The following MUC5B variants were observed in gnomAD, a reference collection of about 807,000 sequenced individuals.
The protein encoded by MUC5B is mucin 5B, oligomeric mucus/gel-forming.
MUC5B carries 116 observed loss-of-function variants against 376.9 expected under a neutral mutation model. The ratio of observed to expected loss-of-function variants is 0.31; its 90% CI spans 0.26 to 0.36. The LOEUF (loss-of-function observed/expected upper bound fraction) is 0.36. MUC5B is among the 10% of genes least tolerant of loss of function. MUC5B has a pLI of 1.00. For missense variants in MUC5B, 7,165 were observed against 7,769.9 expected, an observed-to-expected ratio of 0.92 and a Z score of 2.93; for synonymous variants, 3,517 against 3,390.9, an observed-to-expected ratio of 1.04 and a Z score of -1.29.
At chr11:1,224,645 G>A (rs1449769939) in intron 1 of MUC5B, among the ~76,000 whole-genome samples, 3 of 151,952 alleles carry the variant, frequency 2.0e-5, no homozygotes, top group Admixed American at 6.6e-5. Flanking sequence ...TGGTTGGGCT[G>A]GCACACAGGG....
rs1862893316 is a variant in MUC5B, at chr11:1,258,131, C to T, written c.16483C>T (p.Pro5495Ser). ...CACAACCACCTGCCCCCAGAGCCTG[C>T]CTGTGTGCCCGCCAGGGCAGGAGTC... ...CNTTTCPQSLPVCPPGQESIC... is the reference protein window; with the variant it reads ...CNTTTCPQSLSVCPPGQESIC... Residue 5495 changes from proline to serine, a missense_variant, in exon 42 of 49, where the codon CCT becomes TCT. Pro to Ser is a moderately conservative substitution (Grantham distance 74). Transcript: ENST00000529681. This position sits in a 1 kb window ranked among gnomAD's most constrained non-coding sequence, Gnocchi z 5.5. 20 of 1,597,334 alleles carry T rather than the reference C, an allele frequency of 1.3e-5. No individual in the cohort carries two copies. The highest frequency in any genetic ancestry group is 1.7e-5 in the Non-Finnish European group (20 of 1,174,130).
At chr11:1,231,626 T>TA in intron 14 of MUC5B, 66 bp downstream of exon 14, 1 of 1,489,396 alleles carries the variant, frequency 6.7e-7, no homozygotes, top group Non-Finnish European at 9.0e-7. Context: ...AGCGCCAGGC[T>TA]GCAGGGAGGG....
intron 31 of MUC5B, 127 bp downstream of exon 31, chr11:1,251,870 G>T: frequency 1.4e-6 from 1 of 711,014 alleles, no homozygotes; most frequent in Non-Finnish European, 2.3e-6. Context: ...GCCTCACTTG[G>T]CCCCTCCCGG....
In MUC5B at chr11:1,250,692, C is replaced by A; in HGVS notation, c.13812C>A (p.Thr4604=). ...CCACAACCACGGGCTTCACAGCCAC[C>A]CCCTCCTCCAGCCCAGGGACGGCAC... ...PTTTTTGFTA[T]PSSSPGTALT... The change falls in exon 31 of 49, where the codon ACC becomes ACA. Residue 4604 remains threonine (T), a synonymous_variant. Coordinates refer to ENST00000529681, the MANE Select transcript of MUC5B (RefSeq NM_002458.3). 1.1e-5 allele frequency: 18 copies of A among 1,612,976 alleles called. No individual in the cohort carries two copies. Among genetic ancestry groups the A allele is most frequent in the Non-Finnish European group, 1.5e-5 (18 of 1,179,524 alleles).
intron 45 of MUC5B, 30 bp from the exon 46 acceptor site, chr11:1,259,933 T>C (rs776634569): frequency 1.2e-6 from 2 of 1,612,784 alleles, no homozygotes; most frequent in South Asian, 2.2e-5. Context: ...TAATCCCTAC[T>C]CAGCTTCCAC....
Position 1,237,060 on chromosome 11 carries a change from C to T in MUC5B, c.3193C>T (p.Leu1065=). The T allele has an allele frequency of 6.3e-7, 1 of 1,583,150 alleles. No homozygotes were observed. Among genetic ancestry groups the T allele is most frequent in the South Asian group, 1.2e-5 (1 of 86,760 alleles). The change falls in exon 25 of 49, where the codon CTG becomes TTG. Residue 1065 remains leucine, a synonymous_variant. Coordinates refer to ENST00000529681, the MANE Select transcript of MUC5B (RefSeq NM_002458.3). ...WKLSPSCPDA[L]APKDPCTANP... ...GCTCTCCCCCTCCTGCCCGGACGCC[C>T]TGGCACCCAAGGACCCCTGCACGGC...
At chr11:1,256,291 G>T (rs1314483191) in intron 38 of MUC5B, 66 bp downstream of exon 38, 2 of 708,062 alleles carry the variant, frequency 2.8e-6, no homozygotes, top group Non-Finnish European at 2.6e-6. Flanking sequence ...TGGGGGAGCA[G>T]GAGGAGGCCA....
chr11:1,236,253 C>G, intron 23 of MUC5B, 133 bp from the exon 24 acceptor site: 2 of 809,530 alleles, frequency 2.5e-6, no homozygotes, highest in Non-Finnish European at 3.7e-6. Context: ...GGACCCAGCT[C>G]ACCCCTAACG....
Position 1,243,050 on chromosome 11 carries a change from C to T in MUC5B, c.6170C>T (p.Thr2057Met), listed in dbSNP as rs201461460. The T allele has an allele frequency of 6.4e-5, 103 of 1,611,260 alleles. 5 individuals carry two copies. The highest frequency in any genetic ancestry group is 1.7e-4 in the Middle Eastern group (1 of 6,000). The part of the protein sequence containing the change: ...HTTKVPTTTT[T>M]GFTATPSSSP... ...ACCAAAGTGCCAACTACCACAACCA[C>T]GGGCTTCACAGCCACCCCCTCCTCC... is the stretch of plus-strand genomic sequence containing the variant. Residue 2057 changes from threonine (T) to methionine (M), a missense_variant, in exon 31 of 49, where the codon ACG (threonine) becomes ATG (methionine). Thr to Met is a moderately conservative substitution (Grantham distance 81). Transcript: ENST00000529681.
intron 25 of MUC5B, among the ~76,000 whole-genome samples, chr11:1,238,365 C>G (rs144166346): frequency 6.6e-6 from 1 of 152,018 alleles, no homozygotes; most frequent in Admixed American, 6.6e-5. Context: ...GCTGGGTGGT[C>G]GGATGCTAGG....
chr11:1,239,311 C>T, intron 26 of MUC5B, 127 bp from the exon 27 acceptor site: 1 of 1,293,610 alleles, frequency 7.7e-7, no homozygotes. Flanking sequence ...CGAGGCCCTG[C>T]ATGTCTGGGA....
chr11:1,247,946 C>A lies in MUC5B; in HGVS notation c.11066C>A (p.Thr3689Lys). 1 of 1,611,400 alleles carries A rather than the reference C, an allele frequency of 6.2e-7. No individual in the cohort carries two copies. The highest frequency in any genetic ancestry group is 8.5e-7 in the Non-Finnish European group (1 of 1,178,354). The change falls in exon 31 of 49, where the codon ACG (threonine) becomes AAG (lysine). Residue 3689 changes from threonine (T) to lysine (K), a missense_variant. Coordinates refer to ENST00000529681, the MANE Select transcript of MUC5B (RefSeq NM_002458.3). ...STATPSSTPG[T>K]TWILTKLTTT... ...GCCACGCCCTCCTCAACTCCGGGGA[C>A]GACCTGGATCCTCACAAAGCTGACC...
intron 25 of MUC5B, 31 bp from the exon 26 acceptor site, chr11:1,238,840 C>T (rs369973184): frequency 4.4e-5 from 67 of 1,538,982 alleles, no homozygotes; most frequent in Middle Eastern, 1.7e-4. Context: ...GCCATTGTCC[C>T]GGCTGAGCTG....
rs3829224 is a variant in MUC5B, at chr11:1,255,097, G to A, written c.15721G>A (p.Ala5241Thr). The part of the protein sequence containing the change: ...DCLQRDGTTA[A>T]SCKDMAKTWL... ...TCTCCAGCGGGACGGAACCACTGCC[G>A]CCAGTTGCAAGGACATGGCCAAGAC... The change falls in exon 36 of 49, where the codon GCC becomes ACC. Residue 5241 changes from alanine (A) to threonine (T), a missense_variant. Physicochemically the swap from Ala to Thr is moderately conservative, Grantham distance 58. Coordinates refer to ENST00000529681, the MANE Select transcript of MUC5B (RefSeq NM_002458.3). 0.023 allele frequency: 36,000 copies of A among 1,592,076 alleles called. 2,941 individuals carry two copies. In the East Asian group the frequency reaches 0.24, roughly 11 times the overall value.
In MUC5B at chr11:1,249,991, AC is replaced by A; in HGVS notation, c.13113del (p.Thr4372ArgfsTer24). On this transcript the variant is annotated frameshift_variant, in exon 31 of 49. Transcript: ENST00000529681. LOFTEE classifies it high-confidence loss of function. ...HTSTVLTTKA[T>X]TTRATSSTST... ...CTCCACAGTGCTGACCACGAAGGCCACCACGACAAGGGCCACCAGTTCCACG... is the reference window on the plus strand; with the variant it reads ...CTCCACAGTGCTGACCACGAAGGCCACACGACAAGGGCCACCAGTTCCACG... 2.9e-6 allele frequency: 4 copies of A among 1,379,226 alleles called. No individual in the cohort carries two copies. The highest frequency in any genetic ancestry group is 4.3e-5 in the Admixed American group (2 of 46,530). The allele number at this position is 1,379,226 out of a possible 1,614,324, so 85.4% of individuals were successfully genotyped here.
intron 11 of MUC5B, 112 bp from the exon 12 acceptor site, chr11:1,230,378 G>A (rs986260539): frequency 8.5e-7 from 1 of 1,178,254 alleles, no homozygotes; most frequent in African/African-American, 1.5e-5. Flanking sequence ...AGGTGCCAAG[G>A]ACCACCTCCC....
At chr11:1,232,238 G>A (rs1862044363) in intron 15 of MUC5B, 78 bp downstream of exon 15, 1 of 1,474,924 alleles carries the variant, frequency 6.8e-7, no homozygotes, top group South Asian at 1.4e-5. Flanking sequence ...GGGCCACGGG[G>A]ACCCCTGGGT....
chr11:1,251,289 CA>C lies in MUC5B; in HGVS notation c.14411del (p.Asn4804IlefsTer19). Reference protein sequence around the residue: ...TTTATMTRATNSTATPSSTLG... With the variant: ...TTTATMTRATXSTATPSSTLG... ...CCACAGCCACCATGACAAGGGCCAC[CA>C]ATTCCACGGCCACACCCTCCTCCAC... On this transcript the variant is annotated frameshift_variant, in exon 31 of 49. Transcript: ENST00000529681. LOFTEE classifies it high-confidence loss of function. 1 of 1,610,198 alleles carries C rather than the reference CA, an allele frequency of 6.2e-7. No individual in the cohort carries two copies. Among genetic ancestry groups the C allele is most frequent in the Non-Finnish European group, 8.5e-7 (1 of 1,177,598 alleles).
Position 1,251,170 on chromosome 11 carries a change from G to T in MUC5B, c.14290G>T (p.Val4764Phe), listed in dbSNP as rs778650701. The change falls in exon 31 of 49, where the codon GTC becomes TTC. Residue 4764 changes from valine (V) to phenylalanine (F), a missense_variant. Physicochemically the swap from Val to Phe is conservative, Grantham distance 50 (BLOSUM62 -1). Around this residue, in one of 31 missense-constraint regions of MUC5B, gnomAD observed 730 missense variants for 592.7 expected, o/e 1.23. Transcript: ENST00000529681. ...PSSTLWTTWT[V>F]PAQTTTPMST... ...CTCCACCCTGTGGACCACGTGGACC[G>T]TCCCAGCACAGACCACCACACCCAT... 1 of 1,609,062 alleles carries T rather than the reference G, an allele frequency of 6.2e-7. No individual in the cohort carries two copies. Among genetic ancestry groups the T allele is most frequent in the Non-Finnish European group, 8.5e-7 (1 of 1,177,662 alleles).
Sources: gnomAD v4.1 joint callset for allele counts (sites outside exome capture counted in the v4.1 genomes callset) on GRCh38, gnomAD v4.1.1 for gene constraint, gnomAD v4.1.1 regional missense constraint, Gnocchi (gnomAD v3.1) non-coding constraint, MANE v1.5 for transcripts, NCBI Gene and HGNC (gene_info 2026-07-23, HGNC 2026-07-21) for gene names.